UVSSA: variants seen among roughly 807,000 people sequenced by gnomAD.
UVSSA encodes UV-stimulated scaffold protein A.
UVSSA carries 72 observed loss-of-function variants against 73.9 expected under a neutral mutation model. The ratio of observed to expected loss-of-function variants is 0.97; its 90% CI spans 0.81 to 1.19. The LOEUF (loss-of-function observed/expected upper bound fraction) is 1.19, where lower values mean the gene tolerates loss of function less well. Among genes scored for constraint, UVSSA ranks in the 50% most tolerant of loss-of-function variants. The pLI is 0.00. For missense variants in UVSSA, 1,150 were observed against 965.0 expected, an observed-to-expected ratio of 1.19 and a Z score of -2.54; for synonymous variants, 454 against 391.3, an observed-to-expected ratio of 1.16 and a Z score of -1.89.
intron 10 of UVSSA, 100 bp downstream of exon 10, chr4:1,376,268 G>A (rs1038613111): frequency 1.4e-6 from 2 of 1,431,102 alleles, no homozygotes; most frequent in African/African-American, 2.9e-5. Flanking sequence ...GTCTGAGGAA[G>A]CTGGCCCTGC....
chr4:1,375,632 G>A (rs1335867655), intron 9 of UVSSA, 124 bp downstream of exon 9: 8 of 1,440,372 alleles, frequency 5.6e-6, no homozygotes, highest in Non-Finnish European at 7.4e-6. Context: ...GGAAGCCTTG[G>A]GTGTGTACCC....
rs1172931094 is a variant in UVSSA at position 1,354,810 on chromosome 4, G to A, written c.1010G>A (p.Arg337Gln). ...GCCCGCGACACACTCAAGCTCATCC[G>A]GAACAAGTTCCTGCCGGCTGTGTGC... ...HAARDTLKLI[R>Q]NKFLPAVCSW... Residue 337 changes from arginine to glutamine, a missense_variant, in exon 6 of 14, where the codon CGG (arginine) becomes CAG (glutamine). Arg to Gln is a conservative substitution (Grantham distance 43, BLOSUM62 1). Coordinates refer to ENST00000389851, the MANE Select transcript of UVSSA (RefSeq NM_020894.4). 19 of 1,611,706 alleles carry A rather than the reference G, an allele frequency of 1.2e-5. No homozygotes were observed. Among genetic ancestry groups the A allele is most frequent in the South Asian group, 3.3e-5 (3 of 91,026 alleles).
rs1406034217 is a variant in UVSSA at position 1,386,443 on chromosome 4, C to G, written c.*482C>G. 6.3e-6 allele frequency: 1 copy of G among 158,916 alleles called. No individual in the cohort carries two copies. The highest frequency in any genetic ancestry group is 1.4e-5 in the Non-Finnish European group (1 of 71,614). 9.8% of individuals were successfully genotyped at this position (158,916 alleles called of 1,614,324 possible). ...ATCTGCTTTCTGTTTCTGGATGTGC[C>G]TTTTCATACATGTGTCCTCTTGTCC... On this transcript the variant is annotated 3_prime_UTR_variant, in exon 14 of 14. Transcript: ENST00000389851.
chr4:1,386,124 C>G lies in UVSSA; in HGVS notation c.*163C>G. 2.6e-6 allele frequency: 2 copies of G among 757,428 alleles called. No individual in the cohort carries two copies. The highest frequency in any genetic ancestry group is 3.4e-5 in the South Asian group (2 of 58,532). 46.9% of individuals were successfully genotyped at this position (757,428 alleles called of 1,614,324 possible). On this transcript the variant is annotated 3_prime_UTR_variant, in exon 14 of 14. Coordinates refer to ENST00000389851, the MANE Select transcript of UVSSA (RefSeq NM_020894.4). ...ATGCCCTGAAGGTACGGCCGCTCTG[C>G]TGCTACAGGGTTCGGCATCGTCTGG...
intron 7 of UVSSA, among the ~76,000 whole-genome samples, chr4:1,360,563 G>GCCCAGAGGCTGGCGCCTGCTT (rs1247695180): frequency 1.3e-5 from 2 of 152,036 alleles, no homozygotes; most frequent in Admixed American, 6.5e-5. Flanking sequence ...CTATGGCCGC[G>GCCCAGAGGCTGGCGCCTGCTT]CCCAGAGGCT....
intron 7 of UVSSA, among the ~76,000 whole-genome samples, chr4:1,356,194 G>A (rs1715714754): frequency 6.6e-6 from 1 of 152,156 alleles, no homozygotes; most frequent in South Asian, 2.1e-4. Context: ...CCCACTTTAA[G>A]GAAAGCTTTG....
intron 7 of UVSSA, chr4:1,356,981 G>A: frequency 6.7e-6 from 1 of 149,086 alleles, no homozygotes; most frequent in South Asian, 2.1e-4. Flanking sequence ...CCCTGGGTCA[G>A]CTGGCTTATT....
intron 8 of UVSSA, 74 bp from the exon 9 acceptor site, chr4:1,375,290 A>G: frequency 6.3e-7 from 1 of 1,589,104 alleles, no homozygotes; most frequent in Non-Finnish European, 8.6e-7. Context: ...GCGCGTCCTA[A>G]CTGCCCGGTC....
In UVSSA at chr4:1,351,680, C is replaced by T. The variant is rs114480509; in HGVS notation, c.430-35C>T. 2,646 of 1,607,192 alleles carry T rather than the reference C, an allele frequency of 1.6e-3. 39 individuals are homozygous for T. In the African/African-American group the frequency reaches 0.024, roughly 14 times the overall value. On this transcript the variant is annotated intron_variant, in intron 3 of 13. Transcript: ENST00000389851. ...CTGGGATTACAGGCGTGAGCCACCG[C>T]GCCTGTCCCCTAGTCTTTATTTTCA...
At chr4:1,380,814 TGGG>T in intron 11 of UVSSA, 63 bp from the exon 12 acceptor site, 1 of 1,592,946 alleles carries the variant, frequency 6.3e-7, no homozygotes, top group African/African-American at 1.3e-5. Context: ...GTCGTGGTGG[TGGG>T]GGGAGGTGGT....
At chr4:1,376,851 G>A (rs896901616) in intron 10 of UVSSA, among the ~76,000 whole-genome samples, 1 of 151,024 alleles carries the variant, frequency 6.6e-6, no homozygotes, top group Non-Finnish European at 1.5e-5. Flanking sequence ...CCGGGAGAGG[G>A]TGGGGAGGAC....
Position 1,378,622 on chromosome 4 carries a change from AGCGGTGGAGCCCGTGGTGTGGCTGCTGT to A in UVSSA, c.1569-1421_1569-1394del, listed in dbSNP as rs1204744286. On this transcript the variant is annotated intron_variant, in intron 10 of 13. Transcript: ENST00000389851. ...CATCCCTGCACCTGGACGGGGAGGAAGCGGTGGAGCCCGTGGTGTGGCTGCTGTGCGCCGGCTCCTGAGTGTTCTCACT... is the reference window on the plus strand; with the variant it reads ...CATCCCTGCACCTGGACGGGGAGGAAGCGCCGGCTCCTGAGTGTTCTCACT... Among the ~76,000 whole-genome samples, 12 of 152,234 alleles carry A rather than the reference AGCGGTGGAGCCCGTGGTGTGGCTGCTGT, an allele frequency of 7.9e-5. No homozygotes were observed. In the East Asian group the frequency reaches 2.3e-3, roughly 29 times the overall value.
At chr4:1,372,668 T>C (rs981057688) in intron 8 of UVSSA, among the ~76,000 whole-genome samples, 1 of 100,832 alleles carries the variant, frequency 9.9e-6, no homozygotes, top group Admixed American at 1.0e-4. Context: ...GTGCTCAGTG[T>C]TCCTCCCGCG....
intron 4 of UVSSA, 137 bp downstream of exon 4, chr4:1,351,972 C>T (rs1714830311): frequency 2.4e-5 from 34 of 1,395,672 alleles, no homozygotes; most frequent in Non-Finnish European, 3.2e-5. Context: ...GGATTCAGGT[C>T]GGGCCGGAAG....
chr4:1,373,226 A>G (rs978719750), intron 8 of UVSSA, among the ~76,000 whole-genome samples: 5 of 152,244 alleles, frequency 3.3e-5, no homozygotes, highest in African/African-American at 1.2e-4. Context: ...AGGTCCCACA[A>G]GAGGCCATCT....
chr4:1,375,582 C>T, intron 9 of UVSSA, 74 bp downstream of exon 9: 2 of 1,544,340 alleles, frequency 1.3e-6, no homozygotes, highest in Non-Finnish European at 1.7e-6. Flanking sequence ...CACTGGCCGG[C>T]CTCGAGAGGC....
rs371203560 is a variant in UVSSA, at chr4:1,380,766, C to G, written c.1753-114C>G. ...ATTCCAGGTTGTGTACACTTTGGCT[C>G]TGTGATACCACCCACCCTGGTCGCT... is the stretch of plus-strand genomic sequence containing the variant. On this transcript the variant is annotated intron_variant, in intron 11 of 13. Transcript: ENST00000389851. The G allele has an allele frequency of 4.1e-5, 65 of 1,576,578 alleles. No individual in the cohort carries two copies. The East Asian group carries it at 7.4e-4, about 18-fold the overall frequency.
At chr4:1,388,125 A>C (rs1402194135), downstream of UVSSA, 4 of 152,118 alleles carry the variant, frequency 2.6e-5, no homozygotes, top group African/African-American at 9.6e-5. Context: ...TCAGTATATA[A>C]GTTTCTCACT....
intron 13 of UVSSA, chr4:1,385,570 G>A (rs561529437): frequency 4.6e-6 from 2 of 433,490 alleles, no homozygotes; most frequent in Admixed American, 3.6e-5. Context: ...CTGGAGTGCG[G>A]GAGGCCACGG....
Sources: gnomAD v4.1 joint callset for allele counts (sites outside exome capture counted in the v4.1 genomes callset) on GRCh38, gnomAD v4.1.1 for gene constraint, MANE v1.5 for transcripts, NCBI Gene and HGNC (gene_info 2026-07-23, HGNC 2026-07-21) for gene names.